Variants in GNS observed in about 807,000 individuals in gnomAD.
GNS encodes N-acetylglucosamine-6-sulfatase.
In GNS, 40 loss-of-function variants were observed where a neutral mutation model predicts 69.7. That is an observed-to-expected ratio of 0.57 (90% CI 0.45 to 0.75). GNS has a LOEUF of 0.75. Ranked by LOEUF, GNS falls within the 30% of genes least tolerant of loss-of-function variation. The pLI is 0.00. For synonymous variants in GNS, 243 were observed against 251.6 expected (o/e 0.97, Z 0.32); for missense variants, 565 against 685.5 (o/e 0.82, Z 1.96).
chr12:64,722,814 A>G (rs1401679759), intron 11 of GNS, 192 bp downstream of exon 11: 1 of 598,208 alleles, frequency 1.7e-6, no homozygotes, highest in Non-Finnish European at 3.0e-6. Flanking sequence ...AACAGTGCAC[A>G]TTCTGATGAC....
intron 9 of GNS, among the ~76,000 whole-genome samples, chr12:64,730,434 C>CAAAAAAAAAAAAAAAAAAAAAAAAAAA (rs35692874): frequency 6.9e-5 from 3 of 43,384 alleles, no homozygotes; most frequent in Admixed American, 3.1e-4. Context: ...ATATGAAAGG[C>CAAAAAAAAAAAAAAAAAAAAAAAAAAA]AAAAAAAAAA....
intron 1 of GNS, chr12:64,756,558 T>G (rs575189208): frequency 1.5e-5 from 9 of 589,876 alleles, no homozygotes; most frequent in Non-Finnish European, 2.7e-5. Flanking sequence ...ATGAACTTAG[T>G]CATGTCACTT....
intron 6 of GNS, among the ~76,000 whole-genome samples, chr12:64,741,290 T>C (rs1244497294): frequency 6.6e-6 from 1 of 151,484 alleles, no homozygotes; most frequent in Non-Finnish European, 1.5e-5. Context: ...GGAGGTTGCA[T>C]TGAGCCGAGA....
In GNS at chr12:64,747,900, A is replaced by G; in HGVS notation, c.271T>C (p.Cys91Arg). The G allele has an allele frequency of 6.2e-7, 1 of 1,603,704 alleles. No homozygotes were observed. The highest frequency in any genetic ancestry group is 8.5e-7 in the Non-Finnish European group (1 of 1,170,478). ...FSSAYVPSALCCPSRASILTG... is the reference protein window; with the variant it reads ...FSSAYVPSALRCPSRASILTG... The stretch of plus-strand genomic sequence containing the variant: ...AGGATACTGGCTCTGCTGGGGCAGC[A>G]GAGAGCACTTGGCACATACTACAAA... The change falls in exon 3 of 14, where the codon TGC becomes CGC. Residue 91 changes from cysteine (C) to arginine (R), a missense_variant. Coordinates refer to ENST00000258145, the MANE Select transcript of GNS (RefSeq NM_002076.4).
At chr12:64,733,297 CAAA>C (rs961321163) in intron 9 of GNS, among the ~76,000 whole-genome samples, 1,151 of 26,414 alleles carry the variant, frequency 0.044, 7 homozygotes, top group African/African-American at 0.12. Context: ...GACCCTGTCT[CAAA>C]AAAAAAAAAA....
At chr12:64,756,034 T>G (rs756768138) in intron 1 of GNS, among the ~76,000 whole-genome samples, 6 of 152,268 alleles carry the variant, frequency 3.9e-5, no homozygotes, top group South Asian at 4.1e-4. Flanking sequence ...ACTATAATGA[T>G]GTTTAAATAA....
At chr12:64,720,322 T>A (rs942417762) in intron 12 of GNS, 140 bp from the exon 13 acceptor site, 3 of 682,428 alleles carry the variant, frequency 4.4e-6, no homozygotes, top group Admixed American at 2.4e-5. Flanking sequence ...AGACTCTCAA[T>A]CTGTTTTCAA....
At chr12:64,752,319 TC>T (rs1440574404) in intron 2 of GNS, among the ~76,000 whole-genome samples, 1 of 152,224 alleles carries the variant, frequency 6.6e-6, no homozygotes, top group African/African-American at 2.4e-5. Flanking sequence ...ATTTTGAATT[TC>T]TGCATCTATA....
At chr12:64,739,605 G>A (rs1421511412) in intron 7 of GNS, 106 bp from the exon 8 acceptor site, 55 of 589,960 alleles carry the variant, frequency 9.3e-5, no homozygotes, top group Non-Finnish European at 1.1e-4. Flanking sequence ...AGACACCCCC[G>A]TTTAAAAAAA....
At position 64,728,949 on chromosome 12, in the gene GNS, T is replaced by C. The variant is rs776624874; in HGVS notation, c.1200+7A>G. On this transcript the variant is annotated splice_region_variant and intron_variant, in intron 10 of 13. Transcript: ENST00000258145. ...GGCTCAGGCCTGATTGAGGGCGCTA[T>C]ACTTACCAAAATGGGCAATAAGGAC... 12 of 1,380,684 alleles carry C rather than the reference T, an allele frequency of 8.7e-6. No individual in the cohort carries two copies. In the East Asian group the frequency reaches 2.7e-4, roughly 32 times the overall value. 85.5% of individuals were successfully genotyped at this position (1,380,684 alleles called of 1,614,324 possible). A position where few individuals can be genotyped will look rare whatever the true frequency, so the allele number is the denominator to read the frequency against.
chr12:64,754,121 A>G (rs1299827316), intron 1 of GNS, among the ~76,000 whole-genome samples: 2 of 152,254 alleles, frequency 1.3e-5, no homozygotes, highest in Non-Finnish European at 2.9e-5. Flanking sequence ...GTGTAATAAC[A>G]TTTATTAAAC....
At chr12:64,719,410 T>C (rs968949416) in intron 13 of GNS, among the ~76,000 whole-genome samples, 5 of 152,224 alleles carry the variant, frequency 3.3e-5, no homozygotes, top group African/African-American at 1.2e-4. Context: ...CTCAAATGCA[T>C]GGTGTACTGA....
At chr12:64,754,495 C>G (rs1304574740) in intron 1 of GNS, among the ~76,000 whole-genome samples, 2 of 151,938 alleles carry the variant, frequency 1.3e-5, no homozygotes, top group Admixed American at 6.6e-5. Flanking sequence ...AACAGAGAAG[C>G]CAGTGTGGTG....
chr12:64,749,552 G>A (rs551297870), intron 2 of GNS, among the ~76,000 whole-genome samples: 14 of 152,244 alleles, frequency 9.2e-5, no homozygotes, highest in African/African-American at 3.1e-4. Context: ...GTGTCTAGCC[G>A]ATTTGACATT....
intron 10 of GNS, among the ~76,000 whole-genome samples, chr12:64,726,859 G>T (rs1212882467): frequency 6.6e-6 from 1 of 151,822 alleles, no homozygotes; most frequent in Non-Finnish European, 1.5e-5. Flanking sequence ...CAAAAATGCA[G>T]AGGCATTTCT....
intron 9 of GNS, among the ~76,000 whole-genome samples, chr12:64,732,174 T>TTTTTTTTTTTTTTTTTTG (rs1869420356): frequency 8.9e-6 from 1 of 112,786 alleles, no homozygotes; most frequent in Admixed American, 8.5e-5. Context: ...TTGTTGTTTT[T>TTTTTTTTTTTTTTTTTTG]TTTTTTTTTT....
chr12:64,725,451 A>G (rs2136238935), intron 10 of GNS, among the ~76,000 whole-genome samples: 1 of 152,358 alleles, frequency 6.6e-6, no homozygotes, highest in East Asian at 1.9e-4. Context: ...GCTGTTCAAT[A>G]TGATGGCTAC....
chr12:64,717,535 T>C (rs989392273), intron 13 of GNS, among the ~76,000 whole-genome samples: 1 of 98,710 alleles, frequency 1.0e-5, no homozygotes. Flanking sequence ...TTTTTTTTTT[T>C]TTTTTTTGTA....
intron 1 of GNS, chr12:64,756,832 T>C: frequency 1.3e-6 from 1 of 772,700 alleles, no homozygotes; most frequent in Non-Finnish European, 2.2e-6. Flanking sequence ...TCAATTTTGG[T>C]ACCTCTCTCC....
Sources: allele counts gnomAD v4.1 joint callset (sites outside exome capture counted in the v4.1 genomes callset), GRCh38; gene constraint gnomAD v4.1.1; transcripts MANE v1.5; gene names NCBI Gene and HGNC (gene_info 2026-07-23, HGNC 2026-07-21).